SLC14A2: variants seen among roughly 807,000 people sequenced by gnomAD.
SLC14A2 encodes the protein solute carrier family 14 member 2.
A neutral mutation model predicts 104.6 loss-of-function variants in SLC14A2; 91 were observed. The observed-to-expected ratio is 0.87, with a 90% CI of 0.73 to 1.04. The LOEUF (loss-of-function observed/expected upper bound fraction) is 1.04, where lower values mean the gene tolerates loss of function less well. SLC14A2 is among the 50% of genes least tolerant of loss of function. SLC14A2 has a pLI of 0.00. For synonymous variants in SLC14A2, 476 were observed against 466.4 expected, an observed-to-expected ratio of 1.02 and a Z score of -0.27; for missense variants, 1,189 against 1,156.0, an observed-to-expected ratio of 1.03 and a Z score of -0.41.
At chr18:45,611,552 C>A (rs1243528095), upstream of SLC14A2, among the ~76,000 whole-genome samples, 3 of 152,142 alleles carry the variant, frequency 2.0e-5, no homozygotes, top group Non-Finnish European at 4.4e-5. Context: ...TGAAAGGAGA[C>A]GTGTGTTTAT....
At chr18:45,668,295 T>C in intron 14 of SLC14A2, 54 bp from the exon 15 acceptor site, 3 of 1,598,198 alleles carry the variant, frequency 1.9e-6, no homozygotes, top group Non-Finnish European at 2.6e-6. Flanking sequence ...AATAGGAAAA[T>C]GTAAAGGGCC....
intron 1 of SLC14A2, among the ~76,000 whole-genome samples, chr18:45,403,931 G>A (rs995129794): frequency 1.5e-4 from 23 of 152,082 alleles, no homozygotes; most frequent in Non-Finnish European, 2.8e-4. Context: ...TCCCATTTTG[G>A]CAATGACTCC....
At chr18:45,648,981 CT>C (rs1211035388) in intron 10 of SLC14A2, among the ~76,000 whole-genome samples, 3 of 152,090 alleles carry the variant, frequency 2.0e-5, no homozygotes, top group African/African-American at 7.2e-5. Flanking sequence ...ACCATCCTGG[CT>C]AACATGGTGA....
chr18:45,649,806 G>A (rs2045699126), intron 10 of SLC14A2, among the ~76,000 whole-genome samples: 1 of 152,208 alleles, frequency 6.6e-6, no homozygotes, highest in African/African-American at 2.4e-5. Flanking sequence ...TTACACATGA[G>A]AAATCTGGTG....
Position 45,673,002 on chromosome 18 carries a change from A to G in SLC14A2, c.2332A>G (p.Ile778Val), listed in dbSNP as rs969899368. 8 of 1,613,824 alleles carry G rather than the reference A, an allele frequency of 5.0e-6. No individual in the cohort carries two copies. The highest frequency in any genetic ancestry group is 1.7e-5 in the Admixed American group (1 of 59,974). The change falls in exon 17 of 20, where the codon ATT becomes GTT. Residue 778 changes from isoleucine to valine, a missense_variant. Transcript: ENST00000255226. Reference sequence around the variant, plus strand: ...AGCTCTGTTCATATCCTCACCTCTCATTTGCTTGCATGCAGCAATTGGATC... The same window carrying G: ...AGCTCTGTTCATATCCTCACCTCTCGTTTGCTTGCATGCAGCAATTGGATC... ...LIALFISSPL[I>V]CLHAAIGSTM...
chr18:45,611,221 C>T (rs143848072), upstream of SLC14A2, among the ~76,000 whole-genome samples: 1,156 of 152,260 alleles, frequency 7.6e-3, 21 homozygotes, highest in African/African-American at 0.026. Flanking sequence ...CATCTGACTC[C>T]GAGCTTTACC....
the SLC14A2 span, among the ~76,000 whole-genome samples, chr18:45,194,224 C>T: frequency 6.6e-6 from 1 of 152,110 alleles, no homozygotes; most frequent in Non-Finnish European, 1.5e-5. Context: ...CTAGAATCTC[C>T]AGTATAATGC....
chr18:45,639,552 T>C (rs2045483209), intron 6 of SLC14A2, among the ~76,000 whole-genome samples, 194 bp from the exon 7 acceptor site: 1 of 152,162 alleles, frequency 6.6e-6, no homozygotes, highest in African/African-American at 2.4e-5. Flanking sequence ...GATGCTCACA[T>C]GCCTGCTGGG....
intron 1 of SLC14A2, among the ~76,000 whole-genome samples, chr18:45,246,687 C>T (rs750694013): frequency 1.3e-5 from 2 of 152,068 alleles, no homozygotes; most frequent in Non-Finnish European, 2.9e-5. Context: ...ATTCTCTTGC[C>T]TCAGCCTCCC....
chr18:45,540,386 C>T (rs2043867856), intron 2 of SLC14A2, among the ~76,000 whole-genome samples: 1 of 152,144 alleles, frequency 6.6e-6, no homozygotes, highest in Admixed American at 6.5e-5. Flanking sequence ...CCAAATTCAC[C>T]CTGTTGTGGG....
intron 1 of SLC14A2, among the ~76,000 whole-genome samples, chr18:45,437,151 C>A (rs934357821): frequency 5.9e-5 from 9 of 152,226 alleles, no homozygotes; most frequent in African/African-American, 2.2e-4. Context: ...CCTTTATTTT[C>A]ATCTTTCCAT....
chr18:45,336,552 C>T (rs1355938472), intron 1 of SLC14A2, among the ~76,000 whole-genome samples: 1 of 152,118 alleles, frequency 6.6e-6, no homozygotes, highest in Non-Finnish European at 1.5e-5. Context: ...CTCATTTCAT[C>T]AGTTTTCCCC....
chr18:45,676,981 G>T (rs935175519), intron 18 of SLC14A2, among the ~76,000 whole-genome samples: 4 of 152,132 alleles, frequency 2.6e-5, no homozygotes, highest in African/African-American at 9.7e-5. Flanking sequence ...ACATCATACA[G>T]TCAGTGATGG....
chr18:45,170,661 G>A, the SLC14A2 span, among the ~76,000 whole-genome samples: 1 of 152,174 alleles, frequency 6.6e-6, no homozygotes, highest in Admixed American at 6.5e-5. Context: ...ACTAGAAATA[G>A]ATTACTTTCT....
chr18:45,567,993 C>A (rs898961399), intron 2 of SLC14A2, among the ~76,000 whole-genome samples: 2 of 152,144 alleles, frequency 1.3e-5, no homozygotes, highest in African/African-American at 4.8e-5. Context: ...TTCCAGTGCT[C>A]TTATGCTCAG....
intron 1 of SLC14A2, among the ~76,000 whole-genome samples, chr18:45,428,219 G>T (rs915453537): frequency 3.3e-5 from 5 of 152,210 alleles, no homozygotes; most frequent in Non-Finnish European, 7.3e-5. Flanking sequence ...AAGGATGGAA[G>T]CTAGACATTT....
At chr18:45,313,563 A>T (rs1170008825) in intron 1 of SLC14A2, among the ~76,000 whole-genome samples, 1 of 152,186 alleles carries the variant, frequency 6.6e-6, no homozygotes, top group Non-Finnish European at 1.5e-5. Flanking sequence ...GTGAGCAGGG[A>T]TCCTGAAGTA....
intron 1 of SLC14A2, among the ~76,000 whole-genome samples, chr18:45,276,456 C>A (rs2084703894): frequency 6.6e-6 from 1 of 151,916 alleles, no homozygotes; most frequent in African/African-American, 2.4e-5. Context: ...GTTTTCTAAG[C>A]CAACAAAGAG....
intron 1 of SLC14A2, among the ~76,000 whole-genome samples, chr18:45,221,442 A>G: frequency 6.6e-6 from 1 of 150,382 alleles, no homozygotes; most frequent in Non-Finnish European, 1.5e-5. Flanking sequence ...GTGGCATGGG[A>G]GTGAGACACT....
Sources: gnomAD v4.1 joint callset for allele counts (sites outside exome capture counted in the v4.1 genomes callset) on GRCh38, gnomAD v4.1.1 for gene constraint, MANE v1.5 for transcripts, NCBI Gene and HGNC (gene_info 2026-07-23, HGNC 2026-07-21) for gene names.